NRXN1: variants seen among roughly 807,000 people sequenced by gnomAD.
NRXN1 encodes neurexin 1.
A neutral mutation model predicts 150.9 loss-of-function variants in NRXN1; 39 were observed. The ratio of observed to expected loss-of-function variants is 0.26; its 90% CI spans 0.20 to 0.34. NRXN1 has a LOEUF of 0.34. NRXN1 is among the 10% of genes least tolerant of loss of function. The pLI, the probability that NRXN1 is intolerant of heterozygous loss-of-function variation, is 1.00. For synonymous variants in NRXN1, 924 were observed against 757.0 expected, an observed-to-expected ratio of 1.22 and a Z score of -3.62; for missense variants, 1,815 against 1,949.9, an observed-to-expected ratio of 0.93 and a Z score of 1.30.
At chr2:50,979,905 A>G (rs866721679) in intron 2 of NRXN1, among the ~76,000 whole-genome samples, 2 of 152,122 alleles carry the variant, frequency 1.3e-5, no homozygotes, top group Non-Finnish European at 2.9e-5. Context: ...AATTTTAACA[A>G]AAGTTGTCCC....
chr2:50,648,902 T>C (rs1339060607), intron 5 of NRXN1, among the ~76,000 whole-genome samples: 1 of 152,020 alleles, frequency 6.6e-6, no homozygotes, highest in East Asian at 1.9e-4. Flanking sequence ...GTTGCTGACA[T>C]CACATTCCCA....
At chr2:50,903,481 G>A (rs1006173901) in intron 5 of NRXN1, among the ~76,000 whole-genome samples, 3 of 152,102 alleles carry the variant, frequency 2.0e-5, no homozygotes, top group Non-Finnish European at 2.9e-5. Context: ...TATTATAGAA[G>A]TATTCTGGGG....
intron 17 of NRXN1, among the ~76,000 whole-genome samples, chr2:50,403,940 G>C (rs574105517): frequency 6.6e-6 from 1 of 152,208 alleles, no homozygotes; most frequent in East Asian, 1.9e-4. Flanking sequence ...ACAATGTTCT[G>C]AGTTGTTGGA....
chr2:50,248,827 ACAAATACTTGTATGTGTAG>A (rs1300997204), intron 17 of NRXN1, among the ~76,000 whole-genome samples: 1 of 152,096 alleles, frequency 6.6e-6, no homozygotes, highest in East Asian at 1.9e-4. Flanking sequence ...ACTAGTGTAA[ACAAATACTTGTATGTGTAG>A]AAATTGGCAT....
At chr2:50,026,523 A>G (rs1432719748) in intron 21 of NRXN1, among the ~76,000 whole-genome samples, 1 of 152,160 alleles carries the variant, frequency 6.6e-6, no homozygotes, top group Non-Finnish European at 1.5e-5. Context: ...CATTTCATCA[A>G]TTACAAAACA....
chr2:50,586,082 T>C (rs1393010468), intron 8 of NRXN1, among the ~76,000 whole-genome samples: 3 of 152,348 alleles, frequency 2.0e-5, no homozygotes, highest in South Asian at 4.1e-4. Flanking sequence ...ACCTCGCTGA[T>C]ACATCCTTTC....
At chr2:50,856,927 T>C (rs997725516) in intron 5 of NRXN1, among the ~76,000 whole-genome samples, 1 of 152,082 alleles carries the variant, frequency 6.6e-6, no homozygotes, top group African/African-American at 2.4e-5. Context: ...GCCTATCCTA[T>C]TCTCACAGTA....
chr2:50,347,222 G>GGAGC lies in NRXN1; in HGVS notation c.3365-110256_3365-110253dup, dbSNP rs2078073421. On this transcript the variant is annotated intron_variant, in intron 17 of 22. Coordinates refer to ENST00000401669, the MANE Select transcript of NRXN1 (RefSeq NM_001330078.2). This position sits in a 1 kb window ranked among gnomAD's most constrained non-coding sequence, Gnocchi z 4.9. ...AGGCAGCCCCGGGAACAGCAAGCGC[G>GGAGC]GAGCGGGTGGCTGCTCCCAGATTTC... 2.2e-6 allele frequency: 3 copies of GGAGC among 1,335,920 alleles called. No individual in the cohort carries two copies. Among genetic ancestry groups the GGAGC allele is most frequent in the Non-Finnish European group, 2.9e-6 (3 of 1,020,240 alleles). The allele number at this position is 1,335,920 out of a possible 1,614,324, so 82.8% of individuals were successfully genotyped here. A position where few individuals can be genotyped will look rare whatever the true frequency, so the allele number is the denominator to read the frequency against.
At chr2:50,359,433 AC>A (rs948867886) in intron 17 of NRXN1, among the ~76,000 whole-genome samples, 2 of 151,826 alleles carry the variant, frequency 1.3e-5, no homozygotes, top group Non-Finnish European at 2.9e-5. Context: ...TGGAGCTGAA[AC>A]ACAGAGCACG....
At chr2:50,495,868 G>A in intron 15 of NRXN1, 37 bp downstream of exon 15, 1 of 1,535,092 alleles carries the variant, frequency 6.5e-7, no homozygotes, top group African/African-American at 1.4e-5. Flanking sequence ...AGACCGTGTG[G>A]TGCAAGGCTC....
chr2:50,087,354 G>C (rs1698936861), intron 19 of NRXN1, among the ~76,000 whole-genome samples: 1 of 152,000 alleles, frequency 6.6e-6, no homozygotes, highest in Non-Finnish European at 1.5e-5. Flanking sequence ...ACCTTGTGTA[G>C]AGTGTAAAAG....
intron 17 of NRXN1, among the ~76,000 whole-genome samples, chr2:50,406,500 T>TA (rs768263473): frequency 5.1e-4 from 77 of 152,246 alleles, no homozygotes; most frequent in Admixed American, 1.0e-3. Context: ...TACTTTCTAG[T>TA]AAAAAACTTT....
chr2:50,787,048 T>C, intron 5 of NRXN1, among the ~76,000 whole-genome samples: 1 of 152,114 alleles, frequency 6.6e-6, no homozygotes, highest in East Asian at 1.9e-4. Context: ...CTAACACTGT[T>C]GGGAAAACAT....
At chr2:50,779,782 A>G (rs113292623) in intron 5 of NRXN1, among the ~76,000 whole-genome samples, 24,243 of 152,116 alleles carry the variant, frequency 0.16, 2,465 homozygotes, top group Middle Eastern at 0.24. Flanking sequence ...ATAAAATAAA[A>G]TAAAATAAAA....
At chr2:50,651,217 G>A (rs1027968676) in intron 5 of NRXN1, among the ~76,000 whole-genome samples, 10 of 151,880 alleles carry the variant, frequency 6.6e-5, no homozygotes, top group African/African-American at 1.5e-4. Context: ...TGTCATACAT[G>A]TATATGGTAA....
intron 18 of NRXN1, among the ~76,000 whole-genome samples, chr2:50,136,396 A>C (rs1217898278): frequency 6.6e-6 from 1 of 152,202 alleles, no homozygotes; most frequent in African/African-American, 2.4e-5. Flanking sequence ...TTGTTTTTCT[A>C]GGAGGCCTGG....
intron 5 of NRXN1, among the ~76,000 whole-genome samples, chr2:50,866,664 T>C (rs565252238): frequency 1.3e-5 from 2 of 152,052 alleles, no homozygotes; most frequent in East Asian, 3.9e-4. Context: ...TGGTCTGTAC[T>C]GACATAGAGA....
chr2:50,779,866 C>A (rs887536590), intron 5 of NRXN1, among the ~76,000 whole-genome samples: 4 of 152,114 alleles, frequency 2.6e-5, no homozygotes, highest in Non-Finnish European at 5.9e-5. Context: ...GATTTATAAA[C>A]CCTTGGGTAT....
chr2:50,050,537 C>T (rs1196657681), intron 21 of NRXN1, among the ~76,000 whole-genome samples: 1 of 151,954 alleles, frequency 6.6e-6, no homozygotes, highest in Non-Finnish European at 1.5e-5. Flanking sequence ...TTTAGTAAGA[C>T]AGTTGATAAA....
Sources: gnomAD v4.1 joint callset for allele counts (sites outside exome capture counted in the v4.1 genomes callset) on GRCh38, gnomAD v4.1.1 for gene constraint, Gnocchi (gnomAD v3.1) non-coding constraint, MANE v1.5 for transcripts, NCBI Gene and HGNC (gene_info 2026-07-23, HGNC 2026-07-21) for gene names.